Variants in FRMD4A observed in about 807,000 individuals in gnomAD.
FRMD4A encodes FERM domain containing 4A.
FRMD4A carries 29 observed loss-of-function variants against 129.1 expected under a neutral mutation model. That is an observed-to-expected ratio of 0.22 (90% CI 0.17 to 0.31). FRMD4A has a LOEUF of 0.31. Ranked by LOEUF, FRMD4A falls within the 10% of genes least tolerant of loss-of-function variation. The pLI is 1.00. For missense variants in FRMD4A, 1,272 were observed against 1,375.8 expected (o/e 0.92, Z 1.19); for synonymous variants, 634 against 571.6 (o/e 1.11, Z -1.56).
At chr10:13,897,578 G>A (rs946112341) in intron 2 of FRMD4A, among the ~76,000 whole-genome samples, 5 of 152,264 alleles carry the variant, frequency 3.3e-5, no homozygotes, top group Admixed American at 3.3e-4. Context: ...GCAACCTGAT[G>A]GGCCAGTGCA....
chr10:14,148,221 A>C (rs1398583908), intron 2 of FRMD4A, among the ~76,000 whole-genome samples: 1 of 152,196 alleles, frequency 6.6e-6, no homozygotes, highest in Admixed American at 6.5e-5. Context: ...CTGATGTTGA[A>C]AGGAAATAAA....
At position 14,056,418 on chromosome 10, in the gene FRMD4A, G is replaced by GT. The variant is rs1335956397; in HGVS notation, c.46-197507dup. ...CCCGTGATTGAAAAAAAAATTTAAA[G>GT]TTTTTTCCCCCAGTATTTCTTTAGT... On this transcript the variant is annotated intron_variant, in intron 2 of 24. Coordinates refer to ENST00000357447, the MANE Select transcript of FRMD4A (RefSeq NM_018027.5). Among the ~76,000 whole-genome samples the GT allele has an allele frequency of 6.6e-5, 10 of 151,138 alleles. No homozygotes were observed. The East Asian group carries it at 1.8e-3, about 27-fold the overall frequency.
intron 23 of FRMD4A, chr10:13,653,923 C>G (rs550133879): frequency 5.4e-6 from 1 of 184,536 alleles, no homozygotes; most frequent in Admixed American, 5.7e-5. Context: ...GGCACCTGAT[C>G]TCTTTTGTGT....
At chr10:14,029,810 GAA>G (rs11310080) in intron 2 of FRMD4A, among the ~76,000 whole-genome samples, 66,131 of 147,718 alleles carry the variant, frequency 0.45, 14,897 homozygotes, top group Middle Eastern at 0.53. Flanking sequence ...CAGTTTACAT[GAA>G]AAAAAAAAAA....
chr10:14,098,829 G>A (rs1211139050), intron 2 of FRMD4A, among the ~76,000 whole-genome samples: 1 of 152,112 alleles, frequency 6.6e-6, no homozygotes, highest in Non-Finnish European at 1.5e-5. Flanking sequence ...CCATGGACCC[G>A]ACCTGTCCTG....
intron 2 of FRMD4A, among the ~76,000 whole-genome samples, chr10:14,067,143 C>T (rs1835098113): frequency 6.6e-6 from 1 of 151,700 alleles, no homozygotes; most frequent in Non-Finnish European, 1.5e-5. Context: ...TGGTGAAACC[C>T]CGTCTCTAAT....
intron 3 of FRMD4A, among the ~76,000 whole-genome samples, chr10:13,848,319 C>G (rs2094084337): frequency 6.6e-6 from 1 of 152,160 alleles, no homozygotes; most frequent in Non-Finnish European, 1.5e-5. Context: ...TTTTCTCTCT[C>G]CCTTTACGTT....
rs2086815115 is a variant in FRMD4A, at chr10:13,701,344, C to T, written c.971G>A (p.Ser324Asn). ...GTGAGAGGTCTGGTCACTCACCTTA[C>T]TCTGCTTTCTGTCCAGATAGAACTG... ...QHQFYLDRKQ[S>N]KSKIHAARSL... Residue 324 changes from serine to asparagine, a missense_variant, in exon 14 of 25, where the codon AGT becomes AAT. Physicochemically the swap from Ser to Asn is conservative, Grantham distance 46. Transcript: ENST00000357447. 8.1e-6 allele frequency: 13 copies of T among 1,613,224 alleles called. No individual in the cohort carries two copies. The highest frequency in any genetic ancestry group is 1.3e-5 in the African/African-American group (1 of 74,918).
rs184152370 is a variant in FRMD4A, at chr10:14,223,402, T to C, written c.45+106656A>G. On this transcript the variant is annotated intron_variant, in intron 2 of 24. Coordinates refer to ENST00000357447, the MANE Select transcript of FRMD4A (RefSeq NM_018027.5). ...CTCTCTAGAAGGCAACAGACTACAC[T>C]GCCGTTGGCTCCCCTGCATTTTCTT... 1.5e-3 allele frequency among the ~76,000 whole-genome samples: 233 copies of C among 152,288 alleles called. 1 individual carries two copies. The highest frequency in any genetic ancestry group is 5.4e-3 in the African/African-American group (226 of 41,562).
intron 2 of FRMD4A, among the ~76,000 whole-genome samples, chr10:14,116,268 A>G (rs765039313): frequency 5.9e-5 from 9 of 152,200 alleles, no homozygotes; most frequent in East Asian, 1.9e-4. Context: ...CGTGTGTAGC[A>G]TATGTTAGGA....
rs11818153 is a variant in FRMD4A at position 13,695,431 on chromosome 10, G to A, written c.976-1392C>T. Among the ~76,000 whole-genome samples, 1,271 of 152,238 alleles carry A rather than the reference G, an allele frequency of 8.3e-3. 20 individuals carry two copies. Among genetic ancestry groups the A allele is most frequent in the African/African-American group, 0.029 (1,204 of 41,542 alleles). On this transcript the variant is annotated intron_variant, in intron 14 of 24. Coordinates refer to ENST00000357447, the MANE Select transcript of FRMD4A (RefSeq NM_018027.5). ...GCTGGGATTACAGGCGTGAGCCACC[G>A]CGCCTGGCTAAAGCAGTGGTTTTTA... is the stretch of plus-strand genomic sequence containing the variant.
chr10:13,646,069 CTT>C lies in FRMD4A; in HGVS notation c.*967_*968del, dbSNP rs1167984045. On this transcript the variant is annotated 3_prime_UTR_variant, in exon 25 of 25. Coordinates refer to ENST00000357447, the MANE Select transcript of FRMD4A (RefSeq NM_018027.5). ...CCCTCTACGACTCCCACAGGTCTCT[CTT>C]TGTGTCCAGATGGATGGCGACTGTG... 1.3e-5 allele frequency: 2 copies of C among 152,240 alleles called. No homozygotes were observed. Among genetic ancestry groups the C allele is most frequent in the East Asian group, 1.9e-4 (1 of 5,178 alleles). The allele number at this position is 152,240 out of a possible 1,614,324, so 9.4% of individuals were successfully genotyped here. A position where few individuals can be genotyped will look rare whatever the true frequency, so the allele number is the denominator to read the frequency against.
intron 2 of FRMD4A, among the ~76,000 whole-genome samples, chr10:14,144,510 A>G (rs1839985799): frequency 6.6e-6 from 1 of 152,182 alleles, no homozygotes; most frequent in South Asian, 2.1e-4. Flanking sequence ...CAAACTGAAA[A>G]TTGGAAAACC....
chr10:13,959,727 C>T (rs1372279734), intron 2 of FRMD4A, among the ~76,000 whole-genome samples: 3 of 152,080 alleles, frequency 2.0e-5, no homozygotes, highest in Non-Finnish European at 2.9e-5. Flanking sequence ...TCAGTTTCTA[C>T]CCGGGAGCAC....
chr10:13,788,285 G>A (rs555482413), intron 5 of FRMD4A, among the ~76,000 whole-genome samples: 11 of 152,238 alleles, frequency 7.2e-5, no homozygotes, highest in Admixed American at 2.6e-4. Context: ...CTAGGGACAC[G>A]TACCAGACAA....
chr10:13,822,740 GC>G (rs1028292308), intron 3 of FRMD4A, among the ~76,000 whole-genome samples: 1 of 152,098 alleles, frequency 6.6e-6, no homozygotes, highest in African/African-American at 2.4e-5. Flanking sequence ...CCATGAAGGG[GC>G]CTGTGACAGA....
chr10:14,164,671 TCTC>T (rs1242208657), intron 2 of FRMD4A, among the ~76,000 whole-genome samples: 2 of 152,078 alleles, frequency 1.3e-5, no homozygotes, highest in Non-Finnish European at 2.9e-5. Flanking sequence ...AGCCCTGATT[TCTC>T]CACTCACCAT....
intron 2 of FRMD4A, among the ~76,000 whole-genome samples, chr10:14,109,923 A>G (rs913678867): frequency 2.0e-5 from 3 of 150,794 alleles, no homozygotes; most frequent in African/African-American, 7.3e-5. Context: ...GTCAGCCAAG[A>G]TCACGACACT....
In FRMD4A at chr10:13,961,492, T is replaced by C. The variant is rs531013868; in HGVS notation, c.46-102580A>G. Reference sequence around the variant, plus strand: ...ATTGTAAATGATTTTAAACACACGATGCTTATTAAATAAGGCCACCTGATG... The same window carrying C: ...ATTGTAAATGATTTTAAACACACGACGCTTATTAAATAAGGCCACCTGATG... On this transcript the variant is annotated intron_variant, in intron 2 of 24. Transcript: ENST00000357447. Among the ~76,000 whole-genome samples the C allele has an allele frequency of 2.0e-5, 3 of 152,346 alleles. No homozygotes were observed. In the South Asian group the frequency reaches 6.2e-4, roughly 32 times the overall value.
Sources: allele counts gnomAD v4.1 joint callset (sites outside exome capture counted in the v4.1 genomes callset), GRCh38; gene constraint gnomAD v4.1.1; transcripts MANE v1.5; gene names NCBI Gene and HGNC (gene_info 2026-07-23, HGNC 2026-07-21).